BAIAP2L1: variants seen among roughly 807,000 people sequenced by gnomAD.
BAIAP2L1 encodes the protein BAR/IMD domain-containing adapter protein 2-like 1.
In BAIAP2L1, 35 loss-of-function variants were observed where a neutral mutation model predicts 66.3. That is an observed-to-expected ratio of 0.53 (90% CI 0.40 to 0.70). BAIAP2L1 has a LOEUF of 0.70. BAIAP2L1 is among the 30% of genes least tolerant of loss of function. BAIAP2L1 has a pLI of 0.00. For missense variants in BAIAP2L1, 622 were observed against 656.9 expected, an observed-to-expected ratio of 0.95 and a Z score of 0.58; for synonymous variants, 269 against 248.7, an observed-to-expected ratio of 1.08 and a Z score of -0.77.
intron 1 of BAIAP2L1, among the ~76,000 whole-genome samples, chr7:98,366,121 C>T (rs1802384775): frequency 6.6e-6 from 1 of 152,046 alleles, no homozygotes; most frequent in African/African-American, 2.4e-5. Context: ...TTCTAATTTC[C>T]TGTCATTGGG....
At chr7:98,382,330 T>C (rs1456507604) in intron 1 of BAIAP2L1, among the ~76,000 whole-genome samples, 3 of 152,082 alleles carry the variant, frequency 2.0e-5, no homozygotes, top group African/African-American at 4.8e-5. Context: ...GAAAAAATAA[T>C]GGTCTTTAAC....
intron 13 of BAIAP2L1, among the ~76,000 whole-genome samples, chr7:98,293,853 G>A (rs1210223201): frequency 6.6e-6 from 1 of 152,236 alleles, no homozygotes; most frequent in Non-Finnish European, 1.5e-5. Context: ...GTCCTGCATT[G>A]TGTGTGACAT....
chr7:98,344,479 T>C (rs2115649405), intron 3 of BAIAP2L1, among the ~76,000 whole-genome samples: 1 of 152,318 alleles, frequency 6.6e-6, no homozygotes, highest in South Asian at 2.1e-4. Context: ...ATTCTATTCA[T>C]AAAGGACCTT....
intron 3 of BAIAP2L1, among the ~76,000 whole-genome samples, chr7:98,334,765 C>T (rs1007521525): frequency 6.6e-6 from 1 of 151,542 alleles, no homozygotes; most frequent in Non-Finnish European, 1.5e-5. Flanking sequence ...AGGCTGGTCT[C>T]GAACTCCTGA....
intron 3 of BAIAP2L1, among the ~76,000 whole-genome samples, chr7:98,321,318 T>G (rs1033395488): frequency 5.9e-5 from 9 of 152,234 alleles, no homozygotes; most frequent in Non-Finnish European, 1.3e-4. Flanking sequence ...AGTAATCTGA[T>G]TATCTGTCAG....
chr7:98,371,016 C>T lies in BAIAP2L1; in HGVS notation c.52-8584G>A, dbSNP rs368807021. On this transcript the variant is annotated intron_variant, in intron 1 of 13. Transcript: ENST00000005260. ...GGAGAGCTGTAGTTGAGGCAAAGGTCGGTGCTACTGCAAGGCTTGTGAAGA... is the reference window on the plus strand; with the variant it reads ...GGAGAGCTGTAGTTGAGGCAAAGGTTGGTGCTACTGCAAGGCTTGTGAAGA... Among the ~76,000 whole-genome samples the T allele has an allele frequency of 1.2e-3, 188 of 152,236 alleles. 1 individual carries two copies. Among genetic ancestry groups the T allele is most frequent in the African/African-American group, 4.1e-3 (171 of 41,548 alleles).
chr7:98,349,172 T>C (rs12113536), intron 3 of BAIAP2L1, among the ~76,000 whole-genome samples: 2,989 of 152,118 alleles, frequency 0.02, 105 homozygotes, highest in African/African-American at 0.069. Context: ...TAGAAAAAGG[T>C]GACAGCTACG....
chr7:98,347,913 C>T (rs1483576079), intron 3 of BAIAP2L1, among the ~76,000 whole-genome samples: 1 of 152,140 alleles, frequency 6.6e-6, no homozygotes, highest in African/African-American at 2.4e-5. Context: ...ACCGCATGTT[C>T]TCACTCCTAA....
intron 3 of BAIAP2L1, among the ~76,000 whole-genome samples, chr7:98,340,860 C>A (rs972019646): frequency 1.6e-4 from 24 of 149,490 alleles, no homozygotes; most frequent in Non-Finnish European, 3.1e-4. Context: ...AATGGTGTGA[C>A]CTCAGCTCAC....
chr7:98,361,882 C>T (rs989680023), intron 2 of BAIAP2L1, among the ~76,000 whole-genome samples: 3 of 151,978 alleles, frequency 2.0e-5, no homozygotes, highest in East Asian at 1.9e-4. Flanking sequence ...ACTACAGGCG[C>T]GCACCACCAC....
intron 3 of BAIAP2L1, among the ~76,000 whole-genome samples, chr7:98,344,107 G>A (rs1801816251): frequency 1.3e-5 from 2 of 152,262 alleles, no homozygotes; most frequent in African/African-American, 4.8e-5. Flanking sequence ...AACCCGGTAG[G>A]TGGAGGTTGC....
At chr7:98,341,884 T>C (rs1362978505) in intron 3 of BAIAP2L1, among the ~76,000 whole-genome samples, 5 of 152,260 alleles carry the variant, frequency 3.3e-5, no homozygotes, top group African/African-American at 7.2e-5. Context: ...AACCTGTAAC[T>C]AAAAGATAAG....
At chr7:98,303,948 G>A (rs113515586) in intron 12 of BAIAP2L1, among the ~76,000 whole-genome samples, 2 of 152,242 alleles carry the variant, frequency 1.3e-5, no homozygotes, top group Non-Finnish European at 2.9e-5. Context: ...AGGCGACTGT[G>A]TGTAAACTCT....
chr7:98,376,668 A>AAG, intron 1 of BAIAP2L1, among the ~76,000 whole-genome samples: 1 of 151,340 alleles, frequency 6.6e-6, no homozygotes, highest in East Asian at 1.9e-4. Context: ...AAAAAAAAAA[A>AAG]AAAAAAACAC....
chr7:98,391,286 T>G (rs1026114155), intron 1 of BAIAP2L1, among the ~76,000 whole-genome samples: 2 of 152,152 alleles, frequency 1.3e-5, no homozygotes, highest in Non-Finnish European at 2.9e-5. Context: ...GGGAACTCAT[T>G]CTGGTAATAT....
intron 1 of BAIAP2L1, among the ~76,000 whole-genome samples, chr7:98,378,048 C>A (rs928457756): frequency 2.0e-5 from 3 of 151,558 alleles, no homozygotes; most frequent in Admixed American, 6.6e-5. Flanking sequence ...CTGTGGGAAG[C>A]TGAGACAGGA....
intron 1 of BAIAP2L1, among the ~76,000 whole-genome samples, chr7:98,386,959 A>G (rs909374243): frequency 6.6e-6 from 1 of 152,052 alleles, no homozygotes; most frequent in Non-Finnish European, 1.5e-5. Flanking sequence ...TCGGCCTCCC[A>G]AAGTGCTGGG....
At chr7:98,302,863 C>A (rs1800485728) in intron 12 of BAIAP2L1, among the ~76,000 whole-genome samples, 1 of 152,194 alleles carries the variant, frequency 6.6e-6, no homozygotes, top group South Asian at 2.1e-4. Flanking sequence ...CAGTTCACAG[C>A]AGCCTCGAAC....
At chr7:98,370,753 G>A (rs1397994216) in intron 1 of BAIAP2L1, among the ~76,000 whole-genome samples, 1 of 151,862 alleles carries the variant, frequency 6.6e-6, no homozygotes, top group East Asian at 1.9e-4. Context: ...CGTCCGCCTC[G>A]GCCTCCCAAA....
Sources: gnomAD v4.1 joint callset for allele counts (sites outside exome capture counted in the v4.1 genomes callset) on GRCh38, gnomAD v4.1.1 for gene constraint, MANE v1.5 for transcripts, NCBI Gene and HGNC (gene_info 2026-07-23, HGNC 2026-07-21) for gene names.